FBN2: variants seen among roughly 807,000 people sequenced by gnomAD.
The protein encoded by FBN2 is fibrillin-2.
In FBN2, 105 loss-of-function variants were observed where a neutral mutation model predicts 355.6. The observed-to-expected ratio is 0.30, with a 90% CI of 0.25 to 0.35. FBN2 has a LOEUF of 0.35. Among genes scored for constraint, FBN2 ranks in the 10% least tolerant of loss-of-function variants. FBN2 has a pLI of 1.00. For synonymous variants in FBN2, 1,350 were observed against 1,301.2 expected, an observed-to-expected ratio of 1.04 and a Z score of -0.81; for missense variants, 3,280 against 3,758.7, an observed-to-expected ratio of 0.87 and a Z score of 3.33.
chr5:128,302,262 G>A (rs529397892), intron 46 of FBN2, among the ~76,000 whole-genome samples: 43 of 152,290 alleles, frequency 2.8e-4, no homozygotes, highest in Admixed American at 7.2e-4. Context: ...AGGGCCATGC[G>A]AATTACAACA....
intron 5 of FBN2, among the ~76,000 whole-genome samples, chr5:128,485,797 G>T (rs1755321612): frequency 6.6e-6 from 1 of 152,138 alleles, no homozygotes; most frequent in South Asian, 2.1e-4. Flanking sequence ...GAAGTGATCT[G>T]AAGCAATAGT....
chr5:128,352,756 G>A (rs1010468272), intron 20 of FBN2, among the ~76,000 whole-genome samples: 2 of 152,162 alleles, frequency 1.3e-5, no homozygotes, highest in Non-Finnish European at 2.9e-5. Flanking sequence ...TGTGAGTGAT[G>A]TGGAAAACAC....
chr5:128,393,229 G>A lies in FBN2; in HGVS notation c.1371C>T (p.Gly457=). The A allele has an allele frequency of 1.4e-5, 23 of 1,614,160 alleles. No homozygotes were observed. The highest frequency in any genetic ancestry group is 1.8e-5 in the Non-Finnish European group (21 of 1,180,018). Residue 457 remains glycine (G), a synonymous_variant, in exon 10 of 65, where the codon GGC becomes GGT. Coordinates refer to ENST00000262464, the MANE Select transcript of FBN2 (RefSeq NM_001999.4). ...NGNGYGPGGT[G]FIPIPGGNGF... ...CATTGCCTCCAGGGATGGGGATGAA[G>A]CCTGTCCCTCCTGGGCCATAGCCAT... is the stretch of plus-strand genomic sequence containing the variant.
In FBN2 at chr5:128,332,940, G is replaced by C. The variant is rs1750732681; in HGVS notation, c.4194C>G (p.Gly1398=). Residue 1398 remains glycine (G), a synonymous_variant, in exon 32 of 65, where the codon GGC becomes GGG. Transcript: ENST00000262464. The stretch of plus-strand genomic sequence containing the variant: ...TACACTTGATGCCGTTTCCAATCCA[G>C]CCTTCTCTGCAGCTACACTTGAAGC... ...PGSFKCSCRE[G]WIGNGIKCID... 1 of 1,613,916 alleles carries C rather than the reference G, an allele frequency of 6.2e-7. No individual in the cohort carries two copies. Among genetic ancestry groups the C allele is most frequent in the East Asian group, 2.2e-5 (1 of 44,868 alleles).
chr5:128,364,454 G>T, intron 18 of FBN2, 146 bp downstream of exon 18: 1 of 828,696 alleles, frequency 1.2e-6, no homozygotes, highest in Non-Finnish European at 1.9e-6. Context: ...GTTTGATTCT[G>T]ATATTTTCCT....
At chr5:128,374,850 T>C in intron 14 of FBN2, 100 bp from the exon 15 acceptor site, 1 of 1,241,090 alleles carries the variant, frequency 8.1e-7, no homozygotes, top group South Asian at 1.3e-5. Context: ...ACCTTTTGTT[T>C]ATAACTTTAT....
At chr5:128,516,377 T>C (rs1051762662) in intron 5 of FBN2, among the ~76,000 whole-genome samples, 35 of 151,358 alleles carry the variant, frequency 2.3e-4, no homozygotes, top group Admixed American at 1.1e-3. Flanking sequence ...AAGAACTCTT[T>C]TTTTTTTTTT....
intron 7 of FBN2, among the ~76,000 whole-genome samples, chr5:128,410,693 T>C (rs1256711196): frequency 3.9e-5 from 6 of 152,210 alleles, no homozygotes. Flanking sequence ...ACATTTTCTT[T>C]TTTTGGATAA....
At chr5:128,501,966 A>C (rs1404618131) in intron 5 of FBN2, among the ~76,000 whole-genome samples, 1 of 152,160 alleles carries the variant, frequency 6.6e-6, no homozygotes, top group Non-Finnish European at 1.5e-5. Context: ...AAGGAAGAAG[A>C]CTATCATTCC....
chr5:128,267,918 G>A (rs555987708), intron 62 of FBN2, among the ~76,000 whole-genome samples: 11 of 152,308 alleles, frequency 7.2e-5, no homozygotes, highest in Admixed American at 7.2e-4. Context: ...AAATGCCCAT[G>A]TCAGAAAGCT....
rs752480206 is a variant in FBN2 at position 128,330,577 on chromosome 5, G to A, written c.4341C>T (p.Cys1447=). The change falls in exon 33 of 65, where the codon TGC becomes TGT. Residue 1447 remains cysteine, a synonymous_variant. Coordinates refer to ENST00000262464, the MANE Select transcript of FBN2 (RefSeq NM_001999.4). ...CACCTCAGGACTGTCACCCACCTGA[G>A]CAGGTAAAGCCATCACCAGTGAAAC... ...SEGFTGDGFT[C]SDVDECAENI... 1 of 1,613,964 alleles carries A rather than the reference G, an allele frequency of 6.2e-7. No homozygotes were observed. The highest frequency in any genetic ancestry group is 1.3e-5 in the African/African-American group (1 of 74,902).
intron 7 of FBN2, among the ~76,000 whole-genome samples, chr5:128,423,373 GA>G (rs1753402854): frequency 6.6e-6 from 1 of 152,116 alleles, no homozygotes; most frequent in Non-Finnish European, 1.5e-5. Flanking sequence ...GAAGACAAAG[GA>G]GGAGCAAAGT....
At chr5:128,380,529 C>T (rs970403855) in intron 11 of FBN2, among the ~76,000 whole-genome samples, 3 of 152,036 alleles carry the variant, frequency 2.0e-5, no homozygotes, top group African/African-American at 7.2e-5. Flanking sequence ...GCTATTTTGC[C>T]ACTACAACCA....
At chr5:128,481,559 A>G (rs1476034188) in intron 5 of FBN2, among the ~76,000 whole-genome samples, 1 of 152,134 alleles carries the variant, frequency 6.6e-6, no homozygotes, top group Non-Finnish European at 1.5e-5. Context: ...GAGTGTCCAC[A>G]TGTTTCCAAA....
At chr5:128,508,975 T>G (rs1299416995) in intron 5 of FBN2, among the ~76,000 whole-genome samples, 1 of 152,106 alleles carries the variant, frequency 6.6e-6, no homozygotes, top group Non-Finnish European at 1.5e-5. Flanking sequence ...ATTTTTATCT[T>G]CTTTTCCTCT....
intron 7 of FBN2, 104 bp downstream of exon 7, chr5:128,446,377 A>G (rs1370752642): frequency 1.7e-6 from 2 of 1,185,964 alleles, no homozygotes; most frequent in African/African-American, 1.5e-5. Context: ...TAGTAGATAA[A>G]GAGTTTTAAT....
chr5:128,463,108 C>A (rs917799017), intron 6 of FBN2, among the ~76,000 whole-genome samples: 15 of 151,934 alleles, frequency 9.9e-5, no homozygotes, highest in African/African-American at 3.6e-4. Context: ...ACTAGTAAAT[C>A]AATATAGTAG....
rs571878565 is a variant in FBN2 at position 128,450,683 on chromosome 5, T to A, written c.827-4077A>T. 7.4e-4 allele frequency among the ~76,000 whole-genome samples: 113 copies of A among 151,986 alleles called. 1 individual carries two copies. Among genetic ancestry groups the A allele is most frequent in the African/African-American group, 2.6e-3 (107 of 41,506 alleles). On this transcript the variant is annotated intron_variant, in intron 6 of 64. Transcript: ENST00000262464. The stretch of plus-strand genomic sequence containing the variant: ...AAAGTAAATGGAATCAATAAAATAA[T>A]GATGATAAAATACAAAAAAATAGAG...
Position 128,277,986 on chromosome 5 carries a change from T to TC in FBN2, c.7364_7365insG (p.Met2456AsnfsTer38). The TC allele has an allele frequency of 6.2e-7, 1 of 1,614,032 alleles. No individual in the cohort carries two copies. The highest frequency in any genetic ancestry group is 8.5e-7 in the Non-Finnish European group (1 of 1,179,958). On this transcript the variant is annotated frameshift_variant, in exon 58 of 65. Transcript: ENST00000262464. LOFTEE classifies it high-confidence loss of function. The stretch of plus-strand genomic sequence containing the variant: ...GACCATTGGTGCAGAGGTTTGGCAT[T>TC]ACCTTACATTCATCAATATCTGTGG...
Sources: gnomAD v4.1 joint callset for allele counts (sites outside exome capture counted in the v4.1 genomes callset) on GRCh38, gnomAD v4.1.1 for gene constraint, MANE v1.5 for transcripts, NCBI Gene and HGNC (gene_info 2026-07-23, HGNC 2026-07-21) for gene names.